The following PSG11 variants were observed in gnomAD, a reference collection of about 807,000 sequenced individuals.
The protein encoded by PSG11 is pregnancy specific beta-1-glycoprotein 11, also known as pregnancy-specific beta-1-glycoprotein 11.
Under a neutral mutation model 36.0 loss-of-function variants are expected in PSG11, and 42 were observed. That is an observed-to-expected ratio of 1.17 (90% CI 0.91 to 1.51). The LOEUF is 1.51. Ranked by LOEUF, PSG11 falls within the 40% of genes most tolerant of loss-of-function variation. The pLI, the probability that PSG11 is intolerant of heterozygous loss-of-function variation, is 0.00. For missense variants in PSG11, 558 were observed against 403.5 expected, an observed-to-expected ratio of 1.38 and a Z score of -3.28; for synonymous variants, 206 against 153.5, an observed-to-expected ratio of 1.34 and a Z score of -2.53.
chr19:43,015,956 C>G lies in PSG11; in HGVS notation c.710-586G>C, dbSNP rs570363513. 1,101 of 1,610,130 alleles carry G rather than the reference C, an allele frequency of 6.8e-4. 19 individuals are homozygous for G. Among genetic ancestry groups the G allele is most frequent in the Non-Finnish European group, 8.8e-4 (1,040 of 1,179,044 alleles). ...AGCCACCAAATGTAGGCATAGTTCT[C>G]ACTCTTAGGTTCACAGGTGAAGGTT... On this transcript the variant is annotated intron_variant, in intron 3 of 5. Coordinates refer to ENST00000320078, the MANE Select transcript of PSG11 (RefSeq NM_002785.3).
rs763992250 is a variant in PSG11 at position 43,014,410 on chromosome 19, C to A, written c.964+706G>T. 2.9e-5 allele frequency: 27 copies of A among 947,256 alleles called. 2 individuals carry two copies. The African/African-American group carries it at 3.4e-4, about 12-fold the overall frequency. 58.7% of individuals were successfully genotyped at this position (947,256 alleles called of 1,614,324 possible). A position where few individuals can be genotyped will look rare whatever the true frequency, so the allele number is the denominator to read the frequency against. On this transcript the variant is annotated intron_variant, in intron 4 of 5. Transcript: ENST00000320078. ...TGCTGTGTCCCACGTGCTGTGCCCA[C>A]AGCCTCATACAGCCAGTGACTTCAG...
intron 5 of PSG11, among the ~76,000 whole-genome samples, chr19:43,008,663 A>G (rs1973993544): frequency 6.6e-6 from 1 of 151,444 alleles, no homozygotes; most frequent in Non-Finnish European, 1.5e-5. Flanking sequence ...TGCTTTCTAT[A>G]TAATGTAATA....
At position 43,015,282 on chromosome 19, in the gene PSG11, G is replaced by A; in HGVS notation, c.798C>T (p.Asn266=). ...NLDLSCFANS[N]PPAQYSWTIN... ...TTGTCCAAGAATACTGTGCTGGTGG[G>A]TTAGAGTTTGCGAAGCAGGACAAGT... The change falls in exon 4 of 6, where the codon AAC becomes AAT. Residue 266 remains asparagine (N), a synonymous_variant. Coordinates refer to ENST00000320078, the MANE Select transcript of PSG11 (RefSeq NM_002785.3). 1 of 1,611,260 alleles carries A rather than the reference G, an allele frequency of 6.2e-7. No individual in the cohort carries two copies. Among genetic ancestry groups the A allele is most frequent in the South Asian group, 1.1e-5 (1 of 90,828 alleles).
intron 4 of PSG11, chr19:43,014,559 C>A: frequency 3.0e-6 from 3 of 992,698 alleles, no homozygotes; most frequent in Admixed American, 5.8e-5. Flanking sequence ...GACAGGCCAC[C>A]AGGACTCTTT....
intron 4 of PSG11, chr19:43,014,472 C>T (rs1200337574): frequency 5.2e-6 from 5 of 970,240 alleles, no homozygotes; most frequent in South Asian, 4.8e-5. Flanking sequence ...CCTGAGGTTG[C>T]TTCTCTTCTT....
chr19:43,012,420 G>GA (rs1974099855), intron 4 of PSG11, among the ~76,000 whole-genome samples: 1 of 151,216 alleles, frequency 6.6e-6, no homozygotes, highest in Non-Finnish European at 1.5e-5. Context: ...AAACTTATTA[G>GA]AATTAATAAA....
At chr19:43,015,075 C>T in intron 4 of PSG11, 41 bp downstream of exon 4, 1 of 1,610,568 alleles carries the variant, frequency 6.2e-7, no homozygotes, top group South Asian at 1.1e-5. Flanking sequence ...AGATAGACTC[C>T]ACCTAAAACC....
At chr19:43,018,632 G>T in intron 3 of PSG11, 138 bp downstream of exon 3, 1 of 1,576,810 alleles carries the variant, frequency 6.3e-7, no homozygotes, top group Non-Finnish European at 8.7e-7. Flanking sequence ...TTTGTCTGGG[G>T]CAGAAAGTCA....
At chr19:43,010,722 G>A (rs1156615951) in intron 4 of PSG11, 3 of 166,326 alleles carry the variant, frequency 1.8e-5, no homozygotes, top group East Asian at 3.6e-4. Context: ...TTCCCTCACA[G>A]GTGTCTTCCG....
intron 3 of PSG11, 178 bp downstream of exon 3, chr19:43,018,592 C>A: frequency 7.0e-7 from 1 of 1,429,730 alleles, no homozygotes; most frequent in Non-Finnish European, 9.6e-7. Context: ...TCTTTTCTCC[C>A]ACTGTGGATC....
intron 5 of PSG11, 71 bp downstream of exon 5, chr19:43,009,887 A>G (rs1974029742): frequency 8.2e-7 from 1 of 1,219,368 alleles, no homozygotes; most frequent in African/African-American, 1.5e-5. Context: ...ACAGGCAAAT[A>G]AGTCATTTCC....
At chr19:43,016,537 C>G (rs1846904140) in intron 3 of PSG11, among the ~76,000 whole-genome samples, 1 of 151,356 alleles carries the variant, frequency 6.6e-6, no homozygotes, top group African/African-American at 2.4e-5. Flanking sequence ...ACTGAGCAGC[C>G]TGGCCTGGGA....
intron 2 of PSG11, among the ~76,000 whole-genome samples, chr19:43,023,595 G>A (rs549553694): frequency 1.3e-5 from 2 of 151,326 alleles, no homozygotes; most frequent in African/African-American, 4.9e-5. Context: ...CTGAGGTTTG[G>A]ATGCCTAAGA....
At position 43,019,023 on chromosome 19, in the gene PSG11, G is replaced by T; in HGVS notation, c.456C>A (p.Ser152=). The T allele has an allele frequency of 6.2e-7, 1 of 1,611,898 alleles. No homozygotes were observed. The highest frequency in any genetic ancestry group is 8.5e-7 in the Non-Finnish European group (1 of 1,179,040). Residue 152 remains serine (S), a synonymous_variant, in exon 3 of 6, where the codon TCC becomes TCA. Coordinates refer to ENST00000320078, the MANE Select transcript of PSG11 (RefSeq NM_002785.3). The part of the protein sequence containing the change: ...LYLETPKPSI[S]SSNLNPREAM... ...CCTCCCTGGGGTTTAAGTTGCTGCT[G>T]GAGATGGAGGGCTTGGGAGTCTCCA...
intron 2 of PSG11, among the ~76,000 whole-genome samples, chr19:43,023,485 G>A (rs766665912): frequency 1.3e-5 from 2 of 150,956 alleles, no homozygotes; most frequent in Non-Finnish European, 3.0e-5. Context: ...AGATCTGAGG[G>A]GGAGGCCTGG....
chr19:43,017,018 G>A (rs757229220), intron 3 of PSG11, among the ~76,000 whole-genome samples: 12 of 151,310 alleles, frequency 7.9e-5, no homozygotes, highest in Admixed American at 6.6e-4. Context: ...CCCTGGGTTC[G>A]ACTACTCTAG....
chr19:43,018,625 G>T (rs1169338464), intron 3 of PSG11, 145 bp downstream of exon 3: 37 of 1,564,370 alleles, frequency 2.4e-5, no homozygotes, highest in South Asian at 1.2e-4. Context: ...ACTGTGGTTT[G>T]TCTGGGGCAG....
intron 3 of PSG11, 57 bp downstream of exon 3, chr19:43,018,713 C>T (rs1289283959): frequency 6.2e-6 from 10 of 1,611,392 alleles, no homozygotes; most frequent in Non-Finnish European, 8.5e-6. Flanking sequence ...GGCCTGGCCT[C>T]TGGCCATGTG....
At position 43,007,825 on chromosome 19, in the gene PSG11, C is replaced by G. The variant is rs75903285; in HGVS notation, c.*258G>C. 1 of 305,528 alleles carries G rather than the reference C, an allele frequency of 3.3e-6. No homozygotes were observed. Among genetic ancestry groups the G allele is most frequent in the South Asian group, 1.7e-4 (1 of 6,000 alleles). 18.9% of individuals were successfully genotyped at this position (305,528 alleles called of 1,614,324 possible). A position where few individuals can be genotyped will look rare whatever the true frequency, so the allele number is the denominator to read the frequency against. On this transcript the variant is annotated 3_prime_UTR_variant, in exon 6 of 6. Transcript: ENST00000320078. Reference sequence around the variant, plus strand: ...TCATAAATCTGGAGGATAAAACATTCAAAAAATCAGCACATTTTCCAATAA... The same window carrying G: ...TCATAAATCTGGAGGATAAAACATTGAAAAAATCAGCACATTTTCCAATAA...
Sources: gnomAD v4.1 joint callset for allele counts (sites outside exome capture counted in the v4.1 genomes callset) on GRCh38, gnomAD v4.1.1 for gene constraint, MANE v1.5 for transcripts, NCBI Gene and HGNC (gene_info 2026-07-23, HGNC 2026-07-21) for gene names.